TSPAN13: variants seen among roughly 807,000 people sequenced by gnomAD.
TSPAN13 encodes tetraspanin-13.
In TSPAN13, 18 loss-of-function variants were observed where a neutral mutation model predicts 26.9. The observed-to-expected ratio is 0.67, with a 90% CI of 0.46 to 0.99. TSPAN13 has a LOEUF of 0.99. Among genes scored for constraint, TSPAN13 ranks in the 50% least tolerant of loss-of-function variants. The probability of loss-of-function intolerance (pLI) is 0.00; values close to 1 mark genes in which losing one functional copy is unlikely to be tolerated. For synonymous variants in TSPAN13, 116 were observed against 98.4 expected, an observed-to-expected ratio of 1.18 and a Z score of -1.06; for missense variants, 201 against 249.6, an observed-to-expected ratio of 0.81 and a Z score of 1.31.
Position 16,754,010 on chromosome 7 carries a change from G to T in TSPAN13, c.43G>T (p.Ala15Ser). The T allele has an allele frequency of 6.2e-7, 1 of 1,613,752 alleles. No individual in the cohort carries two copies. The highest frequency in any genetic ancestry group is 8.5e-7 in the Non-Finnish European group (1 of 1,179,808). The change falls in exon 1 of 6, where the codon GCC becomes TCC. Residue 15 changes from alanine to serine, a missense_variant. By Grantham distance (99) the Ala-to-Ser change is moderately conservative. Transcript: ENST00000262067. ...GFACSKNCLC[A>S]LNLLYTLVSL... ...CGCGTGTTCCAAGAACTGCCTGTGC[G>T]CCCTCAACCTGCTTTACACCGTGAG...
At chr7:16,767,591 G>C (rs565856679) in intron 1 of TSPAN13, among the ~76,000 whole-genome samples, 1 of 152,096 alleles carries the variant, frequency 6.6e-6, no homozygotes, top group African/African-American at 2.4e-5. Flanking sequence ...GGGGTAGTAA[G>C]GGATACATAT....
In TSPAN13 at chr7:16,783,020, A is replaced by G. The variant is rs1784830633; in HGVS notation, c.541-397A>G. Reference sequence around the variant, plus strand: ...TCTGCCATCACGGTGTCTTCTCTCCATGTTTCTGACTCTGTCCTTCCTGCC... The same window carrying G: ...TCTGCCATCACGGTGTCTTCTCTCCGTGTTTCTGACTCTGTCCTTCCTGCC... On this transcript the variant is annotated intron_variant, in intron 5 of 5. Transcript: ENST00000262067. Among the ~76,000 whole-genome samples, 4 of 152,062 alleles carry G rather than the reference A, an allele frequency of 2.6e-5. 1 individual carries two copies. The highest frequency in any genetic ancestry group is 4.8e-5 in the African/African-American group (2 of 41,448).
chr7:16,777,114 G>T lies in TSPAN13; in HGVS notation c.304G>T (p.Glu102Ter). 6.2e-7 allele frequency: 1 copy of T among 1,612,752 alleles called. No homozygotes were observed. The highest frequency in any genetic ancestry group is 1.1e-5 in the South Asian group (1 of 90,996). ...TTGCGCTTGTTTAGCCCTGAACCAG[G>T]AGCAACAGGTAAGCTAAGACTTTTT... ...VSCACLALNQ[E>*]QQGQLLEVGW... The change falls in exon 3 of 6, where the codon GAG becomes TAG. Residue 102 changes from glutamate (E) to a stop codon, truncating the protein, a stop_gained. Transcript: ENST00000262067. LOFTEE classifies it high-confidence loss of function.
intron 4 of TSPAN13, among the ~76,000 whole-genome samples, chr7:16,778,656 A>G (rs543348913): frequency 1.9e-4 from 29 of 152,314 alleles, no homozygotes; most frequent in Non-Finnish European, 4.0e-4. Context: ...CTCTTTCACA[A>G]TGTGGCAGCA....
intron 2 of TSPAN13, among the ~76,000 whole-genome samples, chr7:16,776,670 C>A (rs758277689): frequency 6.6e-6 from 1 of 151,824 alleles, no homozygotes; most frequent in African/African-American, 2.4e-5. Context: ...CTTCTAGGCC[C>A]TTTTTTACAC....
At chr7:16,764,183 A>T (rs1469450191) in intron 1 of TSPAN13, among the ~76,000 whole-genome samples, 1 of 118,184 alleles carries the variant, frequency 8.5e-6, no homozygotes, top group South Asian at 2.2e-4. Context: ...ATGCCCAGCT[A>T]ATTTTTTTTT....
Position 16,779,107 on chromosome 7 carries a change from T to C in TSPAN13, c.531T>C (p.Ser177=), listed in dbSNP as rs745313677. The change falls in exon 5 of 6, where the codon AGT becomes AGC. Residue 177 remains serine, a synonymous_variant. Coordinates refer to ENST00000262067, the MANE Select transcript of TSPAN13 (RefSeq NM_014399.4). ...RFVGGIGLFF[S]FTEILGVWLT... ...TTGGTGGCATTGGCCTGTTCTTCAG[T>C]TTTACAGAGGTATGTGCAAATAACA... 3 of 1,611,770 alleles carry C rather than the reference T, an allele frequency of 1.9e-6. No individual in the cohort carries two copies. The South Asian group carries it at 3.3e-5, about 18-fold the overall frequency.
At chr7:16,771,500 A>G (rs1410591639) in intron 1 of TSPAN13, among the ~76,000 whole-genome samples, 1 of 152,236 alleles carries the variant, frequency 6.6e-6, no homozygotes, top group Non-Finnish European at 1.5e-5. Flanking sequence ...GGAATCACAC[A>G]GGTCCTTGGA....
At chr7:16,754,962 A>G (rs1226661324) in intron 1 of TSPAN13, among the ~76,000 whole-genome samples, 5 of 152,222 alleles carry the variant, frequency 3.3e-5, no homozygotes, top group African/African-American at 1.2e-4. Flanking sequence ...TAACAGACCA[A>G]AAAGGTTTTA....
chr7:16,763,614 C>A (rs1784572545), intron 1 of TSPAN13, among the ~76,000 whole-genome samples: 1 of 152,172 alleles, frequency 6.6e-6, no homozygotes, highest in African/African-American at 2.4e-5. Context: ...TCAGATGAAC[C>A]TGTTGTTTTC....
chr7:16,754,880 T>C (rs1784465022), intron 1 of TSPAN13, among the ~76,000 whole-genome samples: 1 of 152,188 alleles, frequency 6.6e-6, no homozygotes, highest in East Asian at 1.9e-4. Context: ...AGGTTTTACA[T>C]ACACAATGCT....
Position 16,753,964 on chromosome 7 carries a change from C to T in TSPAN13, c.-4C>T. On this transcript the variant is annotated 5_prime_UTR_variant, in exon 1 of 6. Transcript: ENST00000262067. ...TGCAGCTGCCGGCAACCACAGGTTC[C>T]AAGATGGTTTGCGGGGGCTTCGCGT... is the stretch of plus-strand genomic sequence containing the variant. The T allele has an allele frequency of 6.2e-7, 1 of 1,612,618 alleles. No homozygotes were observed. Among genetic ancestry groups the T allele is most frequent in the Non-Finnish European group, 8.5e-7 (1 of 1,179,380 alleles).
At chr7:16,766,502 C>G (rs917906695) in intron 1 of TSPAN13, among the ~76,000 whole-genome samples, 2 of 152,188 alleles carry the variant, frequency 1.3e-5, no homozygotes, top group African/African-American at 2.4e-5. Context: ...TGTGATGGAC[C>G]TAGAGCATTG....
chr7:16,754,432 G>C (rs940556526), intron 1 of TSPAN13, among the ~76,000 whole-genome samples: 2 of 152,216 alleles, frequency 1.3e-5, no homozygotes, highest in Non-Finnish European at 1.5e-5. Context: ...GTCAGGGCTT[G>C]CGGACAGTTT....
At chr7:16,777,236 C>A in intron 3 of TSPAN13, 114 bp downstream of exon 3, 1 of 714,432 alleles carries the variant, frequency 1.4e-6, no homozygotes, top group Non-Finnish European at 2.3e-6. Context: ...ATGCCACCTT[C>A]ACTCTGGATA....
intron 3 of TSPAN13, among the ~76,000 whole-genome samples, chr7:16,777,360 G>A (rs560450922): frequency 1.3e-5 from 2 of 152,272 alleles, no homozygotes; most frequent in East Asian, 1.9e-4. Context: ...GGGTTAAAAA[G>A]TGCTATGGCT....
intron 1 of TSPAN13, among the ~76,000 whole-genome samples, chr7:16,758,065 C>A (rs1056418957): frequency 6.6e-6 from 1 of 152,058 alleles, no homozygotes; most frequent in African/African-American, 2.4e-5. Context: ...GAACTCCTGA[C>A]CTCAGGCGAT....
At chr7:16,755,056 C>T (rs542341723) in intron 1 of TSPAN13, among the ~76,000 whole-genome samples, 18 of 152,268 alleles carry the variant, frequency 1.2e-4, no homozygotes, top group African/African-American at 4.3e-4. Context: ...CTGTCTCTAC[C>T]GGGCGGAAGA....
intron 1 of TSPAN13, among the ~76,000 whole-genome samples, chr7:16,755,558 T>TTA (rs55649707): frequency 1.0e-4 from 15 of 147,292 alleles, no homozygotes; most frequent in East Asian, 8.3e-4. Context: ...TTTTTTTTTT[T>TTA]AAATCAGTGT....
Sources: allele counts gnomAD v4.1 joint callset (sites outside exome capture counted in the v4.1 genomes callset), GRCh38; gene constraint gnomAD v4.1.1; transcripts MANE v1.5; gene names NCBI Gene and HGNC (gene_info 2026-07-23, HGNC 2026-07-21).